Variants in ZNF385D observed in about 807,000 individuals in gnomAD.
ZNF385D encodes zinc finger protein 659.
ZNF385D carries 15 observed loss-of-function variants against 35.8 expected under a neutral mutation model. The ratio of observed to expected loss-of-function variants is 0.42; its 90% CI spans 0.28 to 0.64. The LOEUF is 0.64. ZNF385D is among the 30% of genes least tolerant of loss of function. ZNF385D has a pLI of 0.23. For missense variants in ZNF385D, 474 were observed against 494.6 expected (o/e 0.96, Z 0.39); for synonymous variants, 212 against 186.8 (o/e 1.13, Z -1.10).
chr3:21,803,281 G>C (rs914015845), intron 3 of ZNF385D, among the ~76,000 whole-genome samples: 3 of 152,130 alleles, frequency 2.0e-5, no homozygotes, highest in African/African-American at 7.2e-5. Context: ...TGCCCAAAAT[G>C]AGAAGACAGC....
intron 1 of ZNF385D, among the ~76,000 whole-genome samples, chr3:21,717,039 A>C (rs1300367109): frequency 6.6e-6 from 1 of 152,186 alleles, no homozygotes; most frequent in Non-Finnish European, 1.5e-5. Flanking sequence ...AGTCTGAGGC[A>C]GGAGAATCGC....
chr3:21,550,496 T>TA (rs1444061652), intron 3 of ZNF385D, among the ~76,000 whole-genome samples: 2 of 152,124 alleles, frequency 1.3e-5, no homozygotes, highest in Non-Finnish European at 1.5e-5. Context: ...ATTATATATA[T>TA]TTTTTAGACA....
intron 4 of ZNF385D, among the ~76,000 whole-genome samples, chr3:21,475,779 A>G (rs1280654242): frequency 6.6e-6 from 1 of 152,126 alleles, no homozygotes; most frequent in African/African-American, 2.4e-5. Flanking sequence ...GGCAGGGAAG[A>G]TTATATTTTA....
At position 21,421,386 on chromosome 3, in the gene ZNF385D, G is replaced by C; in HGVS notation, c.1016C>G (p.Pro339Arg). ...TGCTGCGGCTGCTGCAGCTGCTAGA[G>C]GATTTGGTAGAATTCGTGGAGCCAA... is the stretch of plus-strand genomic sequence containing the variant. ...KPLAPRILPN[P>R]LAAAAAAAAV... The change falls in exon 8 of 8, where the codon CCT becomes CGT. Residue 339 changes from proline (P) to arginine (R), a missense_variant. Coordinates refer to ENST00000281523, the MANE Select transcript of ZNF385D (RefSeq NM_024697.3). The C allele has an allele frequency of 6.2e-7, 1 of 1,613,722 alleles. No individual in the cohort carries two copies. The highest frequency in any genetic ancestry group is 8.5e-7 in the Non-Finnish European group (1 of 1,179,820).
intron 3 of ZNF385D, among the ~76,000 whole-genome samples, chr3:21,820,194 C>T (rs1351466743): frequency 6.6e-6 from 1 of 151,676 alleles, no homozygotes. Flanking sequence ...AACATTTATA[C>T]AGATTGATAT....
chr3:21,527,659 T>C (rs1262318086), intron 3 of ZNF385D, among the ~76,000 whole-genome samples: 1 of 152,126 alleles, frequency 6.6e-6, no homozygotes, highest in Non-Finnish European at 1.5e-5. Context: ...TGGTCTTCAG[T>C]AGCCCTAGTG....
chr3:21,695,902 T>A (rs979274068), intron 1 of ZNF385D, among the ~76,000 whole-genome samples: 1 of 152,168 alleles, frequency 6.6e-6, no homozygotes, highest in Non-Finnish European at 1.5e-5. Flanking sequence ...CAAAGTACTT[T>A]GTAATTATAA....
intron 3 of ZNF385D, among the ~76,000 whole-genome samples, chr3:22,114,015 A>T (rs1036596514): frequency 1.3e-5 from 2 of 152,132 alleles, no homozygotes; most frequent in African/African-American, 4.8e-5. Flanking sequence ...TTGATTCTAT[A>T]AATGTTTTAA....
chr3:22,234,720 A>G (rs774744490), intron 2 of ZNF385D, among the ~76,000 whole-genome samples: 2 of 151,982 alleles, frequency 1.3e-5, no homozygotes, highest in Admixed American at 6.6e-5. Flanking sequence ...TTTGTATTGT[A>G]GTGATTGGAA....
At chr3:21,462,979 A>G (rs1478167822) in intron 4 of ZNF385D, among the ~76,000 whole-genome samples, 1 of 152,168 alleles carries the variant, frequency 6.6e-6, no homozygotes, top group African/African-American at 2.4e-5. Context: ...TGAAAACTCT[A>G]TCTCAAAAAC....
chr3:21,801,025 A>G (rs2072375279), intron 3 of ZNF385D, among the ~76,000 whole-genome samples: 1 of 151,982 alleles, frequency 6.6e-6, no homozygotes, highest in South Asian at 2.1e-4. Flanking sequence ...GTCTCCTTTT[A>G]TTCTTAATTT....
intron 3 of ZNF385D, among the ~76,000 whole-genome samples, chr3:22,123,986 A>ATATATATT (rs753742081): frequency 8.2e-6 from 1 of 122,374 alleles, no homozygotes; most frequent in Non-Finnish European, 1.7e-5. Flanking sequence ...ATATATATAT[A>ATATATATT]TATTGCTGAC....
intron 2 of ZNF385D, among the ~76,000 whole-genome samples, chr3:22,197,371 A>C (rs1211646697): frequency 1.3e-5 from 2 of 151,942 alleles, no homozygotes; most frequent in Non-Finnish European, 2.9e-5. Context: ...GTATTTTTCC[A>C]TATCTGTTTC....
At chr3:21,492,407 C>G (rs1260127624) in intron 4 of ZNF385D, among the ~76,000 whole-genome samples, 1 of 132,430 alleles carries the variant, frequency 7.6e-6, no homozygotes, top group African/African-American at 2.8e-5. Flanking sequence ...AACAAACAAA[C>G]AAGAAACAAG....
intron 2 of ZNF385D, among the ~76,000 whole-genome samples, chr3:22,220,493 C>G (rs762906794): frequency 6.6e-6 from 1 of 152,164 alleles, no homozygotes. Flanking sequence ...TCAGTGGAAC[C>G]TATTTCCCAC....
At chr3:21,742,198 T>C (rs1458497028) in intron 1 of ZNF385D, among the ~76,000 whole-genome samples, 1 of 152,232 alleles carries the variant, frequency 6.6e-6, no homozygotes, top group African/African-American at 2.4e-5. Flanking sequence ...TTCAACTGAT[T>C]GTATTAAGTA....
chr3:22,180,914 C>CT (rs61668943), intron 2 of ZNF385D, among the ~76,000 whole-genome samples: 18,973 of 113,002 alleles, frequency 0.17, 1,960 homozygotes, highest in East Asian at 0.24. Context: ...TGCTTTTGTT[C>CT]TTTTTTTTTT....
At chr3:21,977,737 G>A (rs1387690643) in intron 3 of ZNF385D, among the ~76,000 whole-genome samples, 5 of 152,068 alleles carry the variant, frequency 3.3e-5, no homozygotes, top group Non-Finnish European at 5.9e-5. Flanking sequence ...TCGGGAGGCT[G>A]AAGCAAGAGG....
At chr3:21,699,863 G>C (rs190959954) in intron 1 of ZNF385D, among the ~76,000 whole-genome samples, 1 of 103,270 alleles carries the variant, frequency 9.7e-6, no homozygotes, top group African/African-American at 3.9e-5. Context: ...CAAGAGTCTT[G>C]CTCTGTCGCC....
Sources: allele counts gnomAD v4.1 joint callset (sites outside exome capture counted in the v4.1 genomes callset), GRCh38; gene constraint gnomAD v4.1.1; transcripts MANE v1.5; gene names NCBI Gene and HGNC (gene_info 2026-07-23, HGNC 2026-07-21).